The following IL1RAPL1 variants were observed in gnomAD, a reference collection of about 807,000 sequenced individuals.
IL1RAPL1 encodes the protein interleukin-1 receptor accessory protein-like 1.
Under a neutral mutation model 48.4 loss-of-function variants are expected in IL1RAPL1, and 3 were observed. The observed-to-expected ratio is 0.06, with a 90% confidence interval of 0.03 to 0.16. IL1RAPL1 has a LOEUF of 0.16. Among genes scored for constraint, IL1RAPL1 ranks in the 10% least tolerant of loss-of-function variants. IL1RAPL1 has a pLI of 1.00. For missense variants in IL1RAPL1, 349 were observed against 530.6 expected, an observed-to-expected ratio of 0.66 and a Z score of 3.36; for synonymous variants, 185 against 187.7, an observed-to-expected ratio of 0.99 and a Z score of 0.12.
At chrX:29,608,989 A>G (rs146784746) in intron 5 of IL1RAPL1, among the ~76,000 whole-genome samples, 3,397 of 111,798 alleles carry the variant, frequency 0.03, 139 homozygotes, top group African/African-American at 0.1. Flanking sequence ...CATACACGCT[A>G]TAATTATCAA....
chrX:29,030,322 T>C (rs1926588624), intron 2 of IL1RAPL1, among the ~76,000 whole-genome samples: 3 of 111,662 alleles, frequency 2.7e-5, no homozygotes, highest in Admixed American at 1.9e-4. Context: ...ATTGAATCCA[T>C]TGATCAAGGG....
At chrX:29,094,287 A>G (rs781134039) in intron 2 of IL1RAPL1, among the ~76,000 whole-genome samples, 22 of 111,632 alleles carry the variant, frequency 2.0e-4, no homozygotes, top group African/African-American at 6.8e-4. Flanking sequence ...TGCCCATTTT[A>G]ATATATGATG....
At chrX:29,838,499 T>G (rs1931064828) in intron 6 of IL1RAPL1, among the ~76,000 whole-genome samples, 1 of 112,260 alleles carries the variant, frequency 8.9e-6, no homozygotes, top group African/African-American at 3.2e-5. Context: ...AATCATAACA[T>G]TCAGGCAGTC....
intron 2 of IL1RAPL1, among the ~76,000 whole-genome samples, chrX:28,931,456 A>G (rs961045765): frequency 1.8e-5 from 2 of 112,304 alleles, no homozygotes; most frequent in South Asian, 3.6e-4. Context: ...TTAAATTATG[A>G]ATATTTTCTT....
At chrX:29,249,676 G>A (rs946368005) in intron 2 of IL1RAPL1, among the ~76,000 whole-genome samples, 1 of 111,772 alleles carries the variant, frequency 8.9e-6, no homozygotes, top group Non-Finnish European at 1.9e-5. Flanking sequence ...ATCAAAATAT[G>A]TATTTCTTAT....
At chrX:29,497,485 T>C (rs1052687206) in intron 5 of IL1RAPL1, among the ~76,000 whole-genome samples, 5 of 111,706 alleles carry the variant, frequency 4.5e-5, no homozygotes, top group African/African-American at 6.5e-5. Flanking sequence ...TAATTATTTT[T>C]CAGGAAATTC....
chrX:29,626,317 A>T (rs1924614348), intron 5 of IL1RAPL1, among the ~76,000 whole-genome samples: 1 of 112,117 alleles, frequency 8.9e-6, no homozygotes, highest in Non-Finnish European at 1.9e-5. Context: ...CAGCAGGTTC[A>T]TTCTTCATAA....
chrX:29,086,905 G>T (rs1286835950), intron 2 of IL1RAPL1, among the ~76,000 whole-genome samples: 2 of 111,424 alleles, frequency 1.8e-5, no homozygotes, highest in Non-Finnish European at 3.8e-5. Context: ...GCTATGAGAG[G>T]TAGAGTTTAG....
At chrX:29,037,136 T>C (rs1449676893) in intron 2 of IL1RAPL1, among the ~76,000 whole-genome samples, 1 of 112,099 alleles carries the variant, frequency 8.9e-6, no homozygotes, top group Non-Finnish European at 1.9e-5. Flanking sequence ...CTGTGGATTA[T>C]ATCTGATGTT....
At chrX:28,998,753 G>C (rs191266846) in intron 2 of IL1RAPL1, among the ~76,000 whole-genome samples, 7 of 111,876 alleles carry the variant, frequency 6.3e-5, no homozygotes, top group African/African-American at 1.6e-4. Flanking sequence ...GAAGGTTAAT[G>C]GCTATGATGT....
At chrX:28,963,905 T>C (rs1411683164) in intron 2 of IL1RAPL1, among the ~76,000 whole-genome samples, 1 of 111,274 alleles carries the variant, frequency 9.0e-6, no homozygotes, top group Non-Finnish European at 1.9e-5. Flanking sequence ...CTTATTCCTT[T>C]CACAATTCAT....
intron 6 of IL1RAPL1, among the ~76,000 whole-genome samples, chrX:29,790,510 C>T (rs1422373613): frequency 8.9e-6 from 1 of 112,113 alleles, no homozygotes; most frequent in Non-Finnish European, 1.9e-5. Context: ...GCCTTTTTAG[C>T]AATGGTTACA....
chrX:29,701,926 A>G (rs940671403), intron 6 of IL1RAPL1, among the ~76,000 whole-genome samples: 1 of 111,734 alleles, frequency 8.9e-6, no homozygotes, highest in African/African-American at 3.3e-5. Context: ...AGTAAATGTG[A>G]GCCACAGGGA....
At chrX:29,104,456 A>G (rs1354980129) in intron 2 of IL1RAPL1, among the ~76,000 whole-genome samples, 1 of 111,255 alleles carries the variant, frequency 9.0e-6, no homozygotes, top group African/African-American at 3.3e-5. Context: ...GAGTAGAATG[A>G]TGGTTACCAG....
chrX:28,657,858 A>G (rs1218453223), intron 1 of IL1RAPL1, among the ~76,000 whole-genome samples: 1 of 112,176 alleles, frequency 8.9e-6, no homozygotes, highest in Admixed American at 9.4e-5. Context: ...AGGACCAGAA[A>G]ATGAAGGTTG....
chrX:29,736,272 G>A (rs763157222), intron 6 of IL1RAPL1, among the ~76,000 whole-genome samples: 1 of 111,946 alleles, frequency 8.9e-6, no homozygotes, highest in African/African-American at 3.2e-5. Context: ...TGTCTGTAAT[G>A]CCAGCTACTC....
intron 3 of IL1RAPL1, among the ~76,000 whole-genome samples, chrX:29,366,473 A>G (rs1321074452): frequency 9.1e-6 from 1 of 110,345 alleles, no homozygotes; most frequent in Non-Finnish European, 1.9e-5. Flanking sequence ...CAAATAGCAA[A>G]TATCATTATG....
intron 2 of IL1RAPL1, among the ~76,000 whole-genome samples, chrX:28,952,105 A>G (rs187029154): frequency 4.1e-4 from 46 of 111,124 alleles, no homozygotes; most frequent in Admixed American, 1.7e-3. Context: ...CCCCATACAC[A>G]CTTTCATTTG....
intron 3 of IL1RAPL1, among the ~76,000 whole-genome samples, chrX:29,288,096 T>A (rs2147603080): frequency 8.9e-6 from 1 of 112,324 alleles, no homozygotes; most frequent in South Asian, 3.6e-4. Flanking sequence ...TGAATTAATC[T>A]ATTTTTTGAA....
Sources: allele counts gnomAD v4.1 joint callset (sites outside exome capture counted in the v4.1 genomes callset), GRCh38; gene constraint gnomAD v4.1.1; transcripts MANE v1.5; gene names NCBI Gene and HGNC (gene_info 2026-07-23, HGNC 2026-07-21).